Variants in PCDHGB4 observed in about 807,000 individuals in gnomAD.
PCDHGB4 encodes protocadherin gamma subfamily B, 4.
PCDHGB4 carries 38 observed loss-of-function variants against 60.5 expected under a neutral mutation model. That is an observed-to-expected ratio of 0.63 (90% confidence interval 0.48 to 0.82). PCDHGB4 has a LOEUF of 0.82. Ranked by LOEUF, PCDHGB4 falls within the 40% of genes least tolerant of loss-of-function variation. The pLI, the probability that PCDHGB4 is intolerant of heterozygous loss-of-function variation, is 0.00. For synonymous variants in PCDHGB4, 456 were observed against 509.7 expected (o/e 0.89, Z 1.42); for missense variants, 1,109 against 1,209.6 (o/e 0.92, Z 1.23).
chr5:141,453,323 G>A (rs1313870724), intron 1 of PCDHGB4, among the ~76,000 whole-genome samples: 1 of 151,482 alleles, frequency 6.6e-6, no homozygotes, highest in Non-Finnish European at 1.5e-5. Context: ...TTTAGAGATG[G>A]GGTCTCACTA....
chr5:141,404,435 A>G, intron 1 of PCDHGB4: 2 of 1,613,032 alleles, frequency 1.2e-6, no homozygotes, highest in South Asian at 2.2e-5. Flanking sequence ...GGCAGAGGAT[A>G]CCATCCAAGG....
Position 141,389,487 on chromosome 5 carries a change from C to T in PCDHGB4, c.1603C>T (p.Gln535Ter), listed in dbSNP as rs997165354. ...CGAACTCACACTGCAGGCCCGCGAC[C>T]AGGGCTCGCCAGCGCTCAGCGCGAA... is the stretch of plus-strand genomic sequence containing the variant. ...AFELTLQARD[Q>*]GSPALSANVS... The change falls in exon 1 of 4, where the codon CAG (glutamine) becomes TAG (stop). Residue 535 changes from glutamine to a stop codon, truncating the protein, a stop_gained. Coordinates refer to ENST00000519479, the MANE Select transcript of PCDHGB4 (RefSeq NM_003736.4). LOFTEE classifies it high-confidence loss of function. 2 of 1,612,906 alleles carry T rather than the reference C, an allele frequency of 1.2e-6. No individual in the cohort carries two copies. Among genetic ancestry groups the T allele is most frequent in the African/African-American group, 1.3e-5 (1 of 74,948 alleles).
At position 141,485,541 on chromosome 5, in the gene PCDHGB4, T is replaced by A; in HGVS notation, c.2398-9266T>A. 2 of 1,613,902 alleles carry A rather than the reference T, an allele frequency of 1.2e-6. No homozygotes were observed. Among genetic ancestry groups the A allele is most frequent in the Non-Finnish European group, 1.7e-6 (2 of 1,179,958 alleles). ...GAAATGTACCGAGCAGAGGTAGAGATCGTAGATGTGAATGATCACGCCCCC... is the reference window on the plus strand; with the variant it reads ...GAAATGTACCGAGCAGAGGTAGAGAACGTAGATGTGAATGATCACGCCCCC... On this transcript the variant is annotated intron_variant, in intron 1 of 3. Coordinates refer to ENST00000519479, the MANE Select transcript of PCDHGB4 (RefSeq NM_003736.4). The surrounding 1 kb of genome is among the most constrained non-coding windows in gnomAD (Gnocchi z 5.7).
intron 1 of PCDHGB4, among the ~76,000 whole-genome samples, chr5:141,448,378 A>G (rs1288817591): frequency 6.6e-6 from 1 of 152,154 alleles, no homozygotes; most frequent in East Asian, 1.9e-4. Context: ...ATTTTTGAAT[A>G]GGAAATACAT....
chr5:141,490,380 T>A lies in PCDHGB4; in HGVS notation c.2398-4427T>A. On this transcript the variant is annotated intron_variant, in intron 1 of 3. Coordinates refer to ENST00000519479, the MANE Select transcript of PCDHGB4 (RefSeq NM_003736.4). The surrounding 1 kb of genome is among the most constrained non-coding windows in gnomAD (Gnocchi z 5.4). ...TTAATGTGCGAGACCGGGACTCAGG[T>A]AGAAATGGTGAAGTGAGCCTTGATA... 6.2e-7 allele frequency: 1 copy of A among 1,614,204 alleles called. No homozygotes were observed. The highest frequency in any genetic ancestry group is 1.7e-5 in the Admixed American group (1 of 60,026).
intron 1 of PCDHGB4, chr5:141,400,262 G>A: frequency 6.2e-7 from 1 of 1,614,032 alleles, no homozygotes; most frequent in Non-Finnish European, 8.5e-7. Flanking sequence ...TTGCGCCTGC[G>A]ACGCTCCTCC....
chr5:141,477,212 C>CCTCT lies in PCDHGB4; in HGVS notation c.2398-17594_2398-17591dup. 6.2e-7 allele frequency: 1 copy of CCTCT among 1,614,166 alleles called. No homozygotes were observed. The highest frequency in any genetic ancestry group is 8.5e-7 in the Non-Finnish European group (1 of 1,180,042). The stretch of plus-strand genomic sequence containing the variant: ...GTACAGCCCAGTACCCGAGGATGCC[C>CCTCT]CTCTGGGGACTGTCATCGCTTTGCT... On this transcript the variant is annotated intron_variant, in intron 1 of 3. Coordinates refer to ENST00000519479, the MANE Select transcript of PCDHGB4 (RefSeq NM_003736.4). This position sits in a 1 kb window ranked among gnomAD's most constrained non-coding sequence, Gnocchi z 4.9.
At chr5:141,394,001 G>C in intron 1 of PCDHGB4, 1 of 1,613,458 alleles carries the variant, frequency 6.2e-7, no homozygotes, top group Non-Finnish European at 8.5e-7. Flanking sequence ...AATTAGAAAA[G>C]TCAATAGGTA....
intron 1 of PCDHGB4, chr5:141,400,462 G>C: frequency 1.2e-6 from 2 of 1,614,062 alleles, no homozygotes; most frequent in Non-Finnish European, 1.7e-6. Flanking sequence ...ACTTTGTGGT[G>C]ATTCATCTGG....
At chr5:141,394,689 G>A (rs1354749268) in intron 1 of PCDHGB4, 4 of 1,612,344 alleles carry the variant, frequency 2.5e-6, no homozygotes, top group Non-Finnish European at 3.4e-6. Flanking sequence ...CACGGGCGAG[G>A]TGCGCACGGC....
intron 1 of PCDHGB4, among the ~76,000 whole-genome samples, chr5:141,447,896 G>C (rs2098554754): frequency 6.6e-6 from 1 of 152,022 alleles, no homozygotes; most frequent in African/African-American, 2.4e-5. Flanking sequence ...GACCAGCCTG[G>C]CCAACATGGT....
rs192631651 is a variant in PCDHGB4, at chr5:141,432,052, C to G, written c.2397+41771C>G. On this transcript the variant is annotated intron_variant, in intron 1 of 3. Transcript: ENST00000519479. The surrounding 1 kb of genome is among the most constrained non-coding windows in gnomAD (Gnocchi z 6.0). Reference sequence around the variant, plus strand: ...CCGCCACTGACCGGGGAACCCCGCCCCTATCCACGGAAACTCATATCTCGC... The same window carrying G: ...CCGCCACTGACCGGGGAACCCCGCCGCTATCCACGGAAACTCATATCTCGC... The G allele has an allele frequency of 8.1e-6, 13 of 1,614,226 alleles. No homozygotes were observed. In the Admixed American group the frequency reaches 1.8e-4, roughly 23 times the overall value.
At chr5:141,498,264 C>A (rs1272117057) in intron 2 of PCDHGB4, among the ~76,000 whole-genome samples, 2 of 152,016 alleles carry the variant, frequency 1.3e-5, no homozygotes, top group Admixed American at 1.3e-4. Context: ...GTGTTGAGTT[C>A]TTCAGTAAAC....
intron 1 of PCDHGB4, chr5:141,393,169 T>A: frequency 6.2e-7 from 1 of 1,613,090 alleles, no homozygotes; most frequent in African/African-American, 1.3e-5. Context: ...CTCTTTGGGG[T>A]AGAAATAGAA....
intron 1 of PCDHGB4, chr5:141,405,445 A>G: frequency 7.3e-7 from 1 of 1,360,898 alleles, no homozygotes; most frequent in Non-Finnish European, 1.0e-6. Context: ...TTTGAGACAG[A>G]GTCTTACTCT....
Position 141,423,542 on chromosome 5 carries a change from C to T in PCDHGB4, c.2397+33261C>T, listed in dbSNP as rs755766737. 4.3e-6 allele frequency: 7 copies of T among 1,613,616 alleles called. No individual in the cohort carries two copies. The African/African-American group carries it at 6.7e-5, about 15-fold the overall frequency. The stretch of plus-strand genomic sequence containing the variant: ...TCGCAGAAGAGTCACCTGATTTTCC[C>T]CCAGCCCAACTATGGGGACACGCTC... On this transcript the variant is annotated intron_variant, in intron 1 of 3. Transcript: ENST00000519479.
In PCDHGB4 at chr5:141,399,103, C is replaced by G. The variant is rs376000100; in HGVS notation, c.2397+8822C>G. The G allele has an allele frequency of 1.6e-5, 26 of 1,613,722 alleles. No homozygotes were observed. The South Asian group carries it at 2.9e-4, about 18-fold the overall frequency. On this transcript the variant is annotated intron_variant, in intron 1 of 3. Transcript: ENST00000519479. ...GAGGGATGGTGGTGGACTGGTTGCA[C>G]AATGTACAGTTGAAATTAATATTCA... is the stretch of plus-strand genomic sequence containing the variant.
chr5:141,392,305 GT>G (rs148037308), intron 1 of PCDHGB4: 5,240 of 152,054 alleles, frequency 0.034, 107 homozygotes, highest in Middle Eastern at 0.088. Flanking sequence ...AAAGTATCAT[GT>G]TTTTTTTAAG....
At chr5:141,470,983 C>G (rs1486663328) in intron 1 of PCDHGB4, among the ~76,000 whole-genome samples, 2 of 151,528 alleles carry the variant, frequency 1.3e-5, no homozygotes, top group African/African-American at 4.9e-5. Context: ...TCCCAAAGTG[C>G]TGGGACTACA....
Sources: allele counts gnomAD v4.1 joint callset (sites outside exome capture counted in the v4.1 genomes callset), GRCh38; gene constraint gnomAD v4.1.1; non-coding constraint Gnocchi (gnomAD v3.1); transcripts MANE v1.5; gene names NCBI Gene and HGNC (gene_info 2026-07-23, HGNC 2026-07-21).